MTUS2: variants seen among roughly 807,000 people sequenced by gnomAD.
MTUS2 encodes microtubule associated scaffold protein 2.
In MTUS2, 40 loss-of-function variants were observed where a neutral mutation model predicts 114.1. The ratio of observed to expected loss-of-function variants is 0.35; its 90% CI spans 0.27 to 0.46. The LOEUF is 0.46. MTUS2 is among the 20% of genes least tolerant of loss of function. The probability of loss-of-function intolerance (pLI) is 1.00; values close to 1 mark genes in which losing one functional copy is unlikely to be tolerated. For synonymous variants in MTUS2, 688 were observed against 672.0 expected (o/e 1.02, Z -0.37); for missense variants, 1,679 against 1,705.4 (o/e 0.98, Z 0.27).
intron 2 of MTUS2, among the ~76,000 whole-genome samples, chr13:28,996,863 T>A (rs1237466205): frequency 2.0e-5 from 3 of 152,210 alleles, no homozygotes; most frequent in Non-Finnish European, 4.4e-5. Context: ...CTGGATTCAT[T>A]GATTTTTTTG....
intron 2 of MTUS2, among the ~76,000 whole-genome samples, chr13:28,864,463 A>G (rs1452857206): frequency 3.3e-5 from 5 of 152,184 alleles, no homozygotes; most frequent in African/African-American, 4.8e-5. Context: ...CTGGCTCATC[A>G]TGTCGGTGAG....
chr13:29,448,329 C>G (rs766585396), intron 9 of MTUS2, among the ~76,000 whole-genome samples: 1 of 152,206 alleles, frequency 6.6e-6, no homozygotes, highest in Admixed American at 6.5e-5. Context: ...ACACCTGTCA[C>G]GCTCTTTCCT....
At chr13:29,266,249 A>G (rs189000607) in intron 5 of MTUS2, among the ~76,000 whole-genome samples, 77 of 152,308 alleles carry the variant, frequency 5.1e-4, no homozygotes, top group Middle Eastern at 3.4e-3. Context: ...ATTAGGTACC[A>G]CTTTTATCCC....
At chr13:29,357,672 T>G (rs916308011) in intron 7 of MTUS2, among the ~76,000 whole-genome samples, 3 of 152,230 alleles carry the variant, frequency 2.0e-5, no homozygotes, top group African/African-American at 7.2e-5. Flanking sequence ...TTCAGGTTGA[T>G]TTGCCTACAA....
chr13:28,998,206 T>C (rs996498268), intron 2 of MTUS2, among the ~76,000 whole-genome samples: 2 of 152,198 alleles, frequency 1.3e-5, no homozygotes, highest in Non-Finnish European at 2.9e-5. Flanking sequence ...TTTAGGAATG[T>C]TGAATATTGT....
At chr13:29,047,452 A>G (rs1887677494) in intron 4 of MTUS2, among the ~76,000 whole-genome samples, 1 of 152,122 alleles carries the variant, frequency 6.6e-6, no homozygotes, top group South Asian at 2.1e-4. Flanking sequence ...GCCTATCAAA[A>G]TATCCTTATT....
intron 2 of MTUS2, among the ~76,000 whole-genome samples, chr13:28,865,649 G>A (rs1381645222): frequency 6.6e-6 from 1 of 152,122 alleles, no homozygotes; most frequent in South Asian, 2.1e-4. Flanking sequence ...TAACAGTCAG[G>A]GCTTTGGCTG....
intron 6 of MTUS2, among the ~76,000 whole-genome samples, chr13:29,305,878 A>G (rs1271913347): frequency 2.0e-5 from 3 of 152,346 alleles, no homozygotes; most frequent in East Asian, 3.9e-4. Context: ...TATTGATGCA[A>G]AAATCCTCAG....
intron 2 of MTUS2, among the ~76,000 whole-genome samples, chr13:28,928,679 C>CA (rs1013496070): frequency 5.9e-5 from 9 of 152,048 alleles, no homozygotes; most frequent in African/African-American, 2.2e-4. Flanking sequence ...GGCAGTTCTT[C>CA]AAAAAACTAA....
At chr13:29,186,559 T>C (rs762819050) in intron 5 of MTUS2, among the ~76,000 whole-genome samples, 1 of 152,196 alleles carries the variant, frequency 6.6e-6, no homozygotes, top group Non-Finnish European at 1.5e-5. Flanking sequence ...AAAAGGCTGC[T>C]CTTTCAAGAA....
chr13:29,066,774 G>A (rs1410486064), intron 4 of MTUS2, among the ~76,000 whole-genome samples: 1 of 152,260 alleles, frequency 6.6e-6, no homozygotes, highest in Non-Finnish European at 1.5e-5. Context: ...TATATAAAGA[G>A]ATAAATCAGT....
intron 4 of MTUS2, among the ~76,000 whole-genome samples, chr13:29,094,272 C>T (rs1330918874): frequency 1.3e-5 from 2 of 151,690 alleles, no homozygotes; most frequent in Non-Finnish European, 1.5e-5. Flanking sequence ...GTGAATAATT[C>T]ATATTAATTC....
At chr13:28,934,899 C>A (rs1383463864) in intron 2 of MTUS2, among the ~76,000 whole-genome samples, 1 of 152,076 alleles carries the variant, frequency 6.6e-6, no homozygotes, top group African/African-American at 2.4e-5. Context: ...TACTGTGTAA[C>A]CACCATCCCC....
chr13:29,195,037 T>A (rs1894622572), intron 5 of MTUS2, among the ~76,000 whole-genome samples: 2 of 138,498 alleles, frequency 1.4e-5, no homozygotes, highest in African/African-American at 5.5e-5. Flanking sequence ...CAGGTGGGAA[T>A]TGAACAATGA....
chr13:28,923,207 C>T (rs1306167346), intron 2 of MTUS2, among the ~76,000 whole-genome samples: 3 of 152,116 alleles, frequency 2.0e-5, no homozygotes, highest in Non-Finnish European at 4.4e-5. Context: ...TTTGTTGAAA[C>T]ATTTTTATCA....
At chr13:28,857,455 T>TA (rs976204776) in intron 2 of MTUS2, among the ~76,000 whole-genome samples, 1 of 152,164 alleles carries the variant, frequency 6.6e-6, no homozygotes, top group African/African-American at 2.4e-5. Context: ...AAGGTAAAGA[T>TA]ACTGCACACG....
At chr13:29,404,141 A>G (rs1400297939) in intron 8 of MTUS2, among the ~76,000 whole-genome samples, 1 of 148,284 alleles carries the variant, frequency 6.7e-6, no homozygotes, top group African/African-American at 2.5e-5. Context: ...TCTTCCAGCA[A>G]CCAGCCTGGC....
chr13:29,309,932 CTCTTT>C (rs149885382), intron 6 of MTUS2, among the ~76,000 whole-genome samples: 164 of 152,144 alleles, frequency 1.1e-3, no homozygotes, highest in African/African-American at 3.8e-3. Flanking sequence ...TTCAGTTATC[CTCTTT>C]TCATTATTTT....
chr13:29,195,080 C>A (rs962474661), intron 5 of MTUS2, among the ~76,000 whole-genome samples: 19 of 127,716 alleles, frequency 1.5e-4, no homozygotes, highest in Admixed American at 8.9e-4. Context: ...GAACATCACA[C>A]TCGGGACTGT....
Sources: gnomAD v4.1 joint callset for allele counts (sites outside exome capture counted in the v4.1 genomes callset) on GRCh38, gnomAD v4.1.1 for gene constraint, MANE v1.5 for transcripts, NCBI Gene and HGNC (gene_info 2026-07-23, HGNC 2026-07-21) for gene names.